Variants in MACROD2 observed in about 807,000 individuals in gnomAD.
The protein encoded by MACROD2 is mono-ADP ribosylhydrolase 2.
Under a neutral mutation model 70.4 loss-of-function variants are expected in MACROD2, and 36 were observed. That is an observed-to-expected ratio of 0.51 (90% CI 0.39 to 0.68). The LOEUF (loss-of-function observed/expected upper bound fraction) is 0.68. Ranked by LOEUF, MACROD2 falls within the 30% of genes least tolerant of loss-of-function variation. The pLI, the probability that MACROD2 is intolerant of heterozygous loss-of-function variation, is 0.00. For synonymous variants in MACROD2, 172 were observed against 178.8 expected (o/e 0.96, Z 0.30); for missense variants, 496 against 538.4 (o/e 0.92, Z 0.78).
At chr20:14,224,104 A>G (rs184709421) in intron 3 of MACROD2, among the ~76,000 whole-genome samples, 45 of 133,630 alleles carry the variant, frequency 3.4e-4, no homozygotes, top group African/African-American at 1.2e-3. Flanking sequence ...CTCCAAGTCA[A>G]CTGATTTAAT....
chr20:15,102,385 G>C (rs2075879605), intron 5 of MACROD2, among the ~76,000 whole-genome samples: 2 of 151,936 alleles, frequency 1.3e-5, no homozygotes. Flanking sequence ...ATTTAATAAT[G>C]TCCAGTAAAT....
At chr20:14,716,500 G>A (rs965099427) in intron 5 of MACROD2, among the ~76,000 whole-genome samples, 2 of 152,140 alleles carry the variant, frequency 1.3e-5, no homozygotes, top group Non-Finnish European at 2.9e-5. Flanking sequence ...CATTGGTTCC[G>A]AGGGGCAGGC....
intron 5 of MACROD2, among the ~76,000 whole-genome samples, chr20:14,955,427 A>C (rs938638518): frequency 6.6e-6 from 1 of 150,746 alleles, no homozygotes; most frequent in Non-Finnish European, 1.5e-5. Flanking sequence ...TTAATGTTCC[A>C]TGGTCTACAC....
intron 5 of MACROD2, among the ~76,000 whole-genome samples, chr20:15,037,997 TG>T: frequency 6.6e-6 from 1 of 152,308 alleles, no homozygotes; most frequent in East Asian, 1.9e-4. Context: ...CCAGTTACCC[TG>T]ATTTGATTAT....
chr20:14,104,286 G>A (rs11087071), intron 3 of MACROD2, among the ~76,000 whole-genome samples: 6,253 of 152,190 alleles, frequency 0.041, 175 homozygotes, highest in African/African-American at 0.08. Context: ...AAATTTTATT[G>A]GCACCAATAG....
At chr20:14,501,196 C>T (rs544908072) in intron 4 of MACROD2, among the ~76,000 whole-genome samples, 1 of 151,864 alleles carries the variant, frequency 6.6e-6, no homozygotes, top group South Asian at 2.1e-4. Context: ...AATATATTTA[C>T]TTTAAATGGG....
At chr20:15,886,228 G>T (rs1457326914) in intron 10 of MACROD2, among the ~76,000 whole-genome samples, 1 of 152,134 alleles carries the variant, frequency 6.6e-6, no homozygotes, top group Non-Finnish European at 1.5e-5. Flanking sequence ...TCACTCACTT[G>T]TCTGTCTAGT....
chr20:14,709,498 T>A (rs762625524), intron 5 of MACROD2, among the ~76,000 whole-genome samples: 42 of 152,108 alleles, frequency 2.8e-4, no homozygotes, highest in Non-Finnish European at 6.0e-4. Flanking sequence ...TATATCCTGA[T>A]CCAACATATA....
intron 7 of MACROD2, among the ~76,000 whole-genome samples, chr20:15,448,734 G>T (rs1021233342): frequency 2.0e-5 from 3 of 152,036 alleles, no homozygotes; most frequent in Admixed American, 6.6e-5. Flanking sequence ...AATCAAGTGG[G>T]AACAAACAGT....
chr20:14,022,111 G>T (rs767394784), intron 2 of MACROD2, among the ~76,000 whole-genome samples: 5 of 152,178 alleles, frequency 3.3e-5, no homozygotes, highest in Non-Finnish European at 7.3e-5. Flanking sequence ...TGATTTTGGC[G>T]AATAGCTAGT....
At chr20:15,587,913 T>A (rs139431485) in intron 8 of MACROD2, among the ~76,000 whole-genome samples, 3 of 152,158 alleles carry the variant, frequency 2.0e-5, no homozygotes, top group African/African-American at 7.2e-5. Context: ...GATCTACCAT[T>A]CTGGGGTCTG....
At chr20:15,557,397 A>G (rs2048182048) in intron 8 of MACROD2, among the ~76,000 whole-genome samples, 1 of 152,210 alleles carries the variant, frequency 6.6e-6, no homozygotes, top group African/African-American at 2.4e-5. Context: ...GAATATCTAC[A>G]CTTCAGATGC....
chr20:14,644,099 CTAAA>C (rs1173432418), intron 4 of MACROD2, among the ~76,000 whole-genome samples: 2 of 152,062 alleles, frequency 1.3e-5, no homozygotes, highest in African/African-American at 4.8e-5. Context: ...TATTAAATAA[CTAAA>C]TATTTTTTGC....
At chr20:15,112,396 C>A (rs1446577750) in intron 5 of MACROD2, among the ~76,000 whole-genome samples, 2 of 152,090 alleles carry the variant, frequency 1.3e-5, no homozygotes, top group Admixed American at 1.3e-4. Flanking sequence ...TTTAATAATG[C>A]ATTTGAAATT....
At chr20:14,033,687 C>T (rs941391845) in intron 2 of MACROD2, among the ~76,000 whole-genome samples, 2 of 152,164 alleles carry the variant, frequency 1.3e-5, no homozygotes, top group South Asian at 2.1e-4. Context: ...CAAGCTCACA[C>T]CCCAAATCCA....
chr20:15,645,762 T>C (rs1457040101), intron 8 of MACROD2, among the ~76,000 whole-genome samples: 1 of 152,176 alleles, frequency 6.6e-6, no homozygotes, highest in Non-Finnish European at 1.5e-5. Context: ...ATATATAATA[T>C]GTGGTATTAA....
chr20:14,783,353 G>A (rs886173253), intron 5 of MACROD2, among the ~76,000 whole-genome samples: 1 of 152,120 alleles, frequency 6.6e-6, no homozygotes, highest in African/African-American at 2.4e-5. Flanking sequence ...TTAATATGCT[G>A]TCATCTGACT....
intron 9 of MACROD2, among the ~76,000 whole-genome samples, chr20:15,873,982 G>C (rs149379263): frequency 1.1e-4 from 17 of 151,908 alleles, no homozygotes; most frequent in Non-Finnish European, 2.2e-4. Flanking sequence ...TGTTACATAG[G>C]TATACATGTG....
chr20:15,703,130 CAAAA>C (rs2050484220), intron 8 of MACROD2, among the ~76,000 whole-genome samples: 2 of 152,208 alleles, frequency 1.3e-5, no homozygotes, highest in Non-Finnish European at 2.9e-5. Context: ...TCACCAAATA[CAAAA>C]ATTAATCCAA....
Sources: allele counts gnomAD v4.1 joint callset (sites outside exome capture counted in the v4.1 genomes callset), GRCh38; gene constraint gnomAD v4.1.1; transcripts MANE v1.5; gene names NCBI Gene and HGNC (gene_info 2026-07-23, HGNC 2026-07-21).